CFAP77: variants seen among roughly 807,000 people sequenced by gnomAD.
The protein encoded by CFAP77 is cilia and flagella associated protein 77.
CFAP77 carries 25 observed loss-of-function variants against 31.1 expected under a neutral mutation model. The ratio of observed to expected loss-of-function variants is 0.80; its 90% CI spans 0.59 to 1.12. CFAP77 has a LOEUF of 1.12. CFAP77 is among the 50% of genes most tolerant of loss of function. The pLI is 0.00. For synonymous variants in CFAP77, 151 were observed against 159.9 expected (o/e 0.94, Z 0.42); for missense variants, 377 against 397.3 (o/e 0.95, Z 0.44).
intron 3 of CFAP77, among the ~76,000 whole-genome samples, chr9:132,513,622 T>A (rs1485484599): frequency 6.6e-6 from 1 of 152,166 alleles, no homozygotes; most frequent in Admixed American, 6.5e-5. Context: ...ATTTGCAACA[T>A]CACCCTGTCC....
intron 1 of CFAP77, among the ~76,000 whole-genome samples, chr9:132,448,087 A>G (rs140249787): frequency 3.5e-4 from 54 of 152,148 alleles, no homozygotes; most frequent in African/African-American, 1.2e-3. Flanking sequence ...TCCTGGGCTG[A>G]GGACTAATTT....
intron 5 of CFAP77, 61 bp downstream of exon 5, chr9:132,543,108 A>G: frequency 7.1e-7 from 1 of 1,401,522 alleles, no homozygotes; most frequent in Non-Finnish European, 1.0e-6. Context: ...TCACCTTGCC[A>G]GGTCCTTACC....
Position 132,558,828 on chromosome 9 carries a change from C to T in CFAP77, c.733-13560C>T, listed in dbSNP as rs543758701. ...GGGAGTTCGAGACCAGCCTGACCAA[C>T]GTGGTTGAAACCCCGTCTCTACTAA... On this transcript the variant is annotated intron_variant, in intron 5 of 5. Coordinates refer to ENST00000393216, the MANE Select transcript of CFAP77 (RefSeq NM_001282957.2). 2.5e-3 allele frequency among the ~76,000 whole-genome samples: 290 copies of T among 115,350 alleles called. 1 individual carries two copies. The highest frequency in any genetic ancestry group is 4.4e-3 in the Non-Finnish European group (243 of 55,252). The allele number at this position is 115,350 out of a possible 152,430, so 75.7% of individuals were successfully genotyped here. A position where few individuals can be genotyped will look rare whatever the true frequency, so the allele number is the denominator to read the frequency against.
chr9:132,425,611 CTTTT>C (rs1307770741), intron 1 of CFAP77, among the ~76,000 whole-genome samples: 1 of 152,016 alleles, frequency 6.6e-6, no homozygotes, highest in Non-Finnish European at 1.5e-5. Flanking sequence ...TTTTAGGAGT[CTTTT>C]CTTGTCACTA....
chr9:132,538,092 A>G (rs1852579437), intron 4 of CFAP77, among the ~76,000 whole-genome samples: 4 of 152,234 alleles, frequency 2.6e-5, no homozygotes, highest in Admixed American at 2.6e-4. Context: ...TGTCCTGTAC[A>G]ATCTATAGAG....
intron 1 of CFAP77, among the ~76,000 whole-genome samples, chr9:132,465,055 C>T (rs1851126415): frequency 8.3e-6 from 1 of 121,000 alleles, no homozygotes. Context: ...GCCTGGGCGA[C>T]AGAGCGAGAC....
At chr9:132,472,008 G>A (rs1395837012) in intron 1 of CFAP77, among the ~76,000 whole-genome samples, 1 of 152,174 alleles carries the variant, frequency 6.6e-6, no homozygotes, top group Non-Finnish European at 1.5e-5. Flanking sequence ...CACTGCACCT[G>A]GCTTCACTGG....
At chr9:132,532,694 G>A (rs1407888242) in intron 3 of CFAP77, among the ~76,000 whole-genome samples, 1 of 152,024 alleles carries the variant, frequency 6.6e-6, no homozygotes, top group Non-Finnish European at 1.5e-5. Flanking sequence ...TTTTTTCTGT[G>A]AAATTAAGTC....
At chr9:132,543,816 A>G (rs1275401960) in intron 5 of CFAP77, among the ~76,000 whole-genome samples, 2 of 152,200 alleles carry the variant, frequency 1.3e-5, no homozygotes, top group Non-Finnish European at 2.9e-5. Flanking sequence ...GTAGCCCTGT[A>G]GCACCCAGAC....
At chr9:132,532,778 G>A (rs1852475940) in intron 3 of CFAP77, among the ~76,000 whole-genome samples, 1 of 152,154 alleles carries the variant, frequency 6.6e-6, no homozygotes, top group Admixed American at 6.5e-5. Context: ...ACCAGGCGTG[G>A]TGGTTCACAC....
intron 3 of CFAP77, among the ~76,000 whole-genome samples, chr9:132,522,240 T>A (rs1852282112): frequency 6.6e-6 from 1 of 152,182 alleles, no homozygotes; most frequent in Admixed American, 6.5e-5. Flanking sequence ...CTGGGCAGTG[T>A]TGTTCAGCCT....
chr9:132,417,534 G>A (rs1409107047), intron 1 of CFAP77, among the ~76,000 whole-genome samples: 1 of 152,218 alleles, frequency 6.6e-6, no homozygotes, highest in Admixed American at 6.5e-5. Context: ...ATGCCAGGTT[G>A]GAGCCAGCAG....
intron 4 of CFAP77, 116 bp downstream of exon 4, chr9:132,537,822 G>A: frequency 1.3e-6 from 1 of 741,034 alleles, no homozygotes; most frequent in South Asian, 1.8e-5. Context: ...GGGATGAGTG[G>A]GAAATCAGGT....
At chr9:132,452,489 C>T (rs948100771) in intron 1 of CFAP77, among the ~76,000 whole-genome samples, 1 of 152,152 alleles carries the variant, frequency 6.6e-6, no homozygotes, top group Non-Finnish European at 1.5e-5. Flanking sequence ...AGTCCAGAAA[C>T]CACAGGAGGA....
At chr9:132,485,596 C>T (rs1459149882) in intron 1 of CFAP77, among the ~76,000 whole-genome samples, 7 of 152,268 alleles carry the variant, frequency 4.6e-5, no homozygotes, top group Non-Finnish European at 7.4e-5. Context: ...TCCTTGAGCA[C>T]GCCCCAGCTG....
At position 132,513,486 on chromosome 9, in the gene CFAP77, A is replaced by C. The variant is rs936443660; in HGVS notation, c.524+13886A>C. The C allele has an allele frequency of 4.5e-6, 5 of 1,105,774 alleles. No homozygotes were observed. In the East Asian group the frequency reaches 1.3e-4, roughly 30 times the overall value. 68.5% of individuals were successfully genotyped at this position (1,105,774 alleles called of 1,614,324 possible). A position where few individuals can be genotyped will look rare whatever the true frequency, so the allele number is the denominator to read the frequency against. On this transcript the variant is annotated intron_variant, in intron 3 of 5. Transcript: ENST00000393216. The stretch of plus-strand genomic sequence containing the variant: ...GGACCCTCCCGAGGTTGGAGCACGC[A>C]TGCTTTCCACCCAGCGTGCCCAGTT...
intron 1 of CFAP77, among the ~76,000 whole-genome samples, chr9:132,486,084 A>T (rs1375372244): frequency 0.043 from 781 of 18,300 alleles, 126 homozygotes; most frequent in East Asian, 0.092. Context: ...ATATATATAT[A>T]TATATATTTT....
chr9:132,463,300 C>T (rs1182891710), intron 1 of CFAP77, among the ~76,000 whole-genome samples: 1 of 152,158 alleles, frequency 6.6e-6, no homozygotes, highest in Non-Finnish European at 1.5e-5. Context: ...TATATACAAA[C>T]ATGTTCTTGC....
intron 3 of CFAP77, among the ~76,000 whole-genome samples, chr9:132,502,204 C>G (rs986541285): frequency 6.0e-5 from 9 of 151,238 alleles, no homozygotes; most frequent in African/African-American, 2.2e-4. Flanking sequence ...TTCCAATCTC[C>G]CCTCTTGCTT....
Sources: allele counts gnomAD v4.1 joint callset (sites outside exome capture counted in the v4.1 genomes callset), GRCh38; gene constraint gnomAD v4.1.1; transcripts MANE v1.5; gene names NCBI Gene and HGNC (gene_info 2026-07-23, HGNC 2026-07-21).